The following NELL2 variants were observed in gnomAD, a reference collection of about 807,000 sequenced individuals.
The protein encoded by NELL2 is protein kinase C-binding protein NELL2.
A neutral mutation model predicts 109.6 loss-of-function variants in NELL2; 41 were observed. That is an observed-to-expected ratio of 0.37 (90% CI 0.29 to 0.49). The LOEUF (loss-of-function observed/expected upper bound fraction) is 0.49. Among genes scored for constraint, NELL2 ranks in the 20% least tolerant of loss-of-function variants. NELL2 has a pLI of 0.98. For missense variants in NELL2, 900 were observed against 1,008.3 expected (o/e 0.89, Z 1.45); for synonymous variants, 355 against 344.7 (o/e 1.03, Z -0.33).
intron 16 of NELL2, among the ~76,000 whole-genome samples, chr12:44,526,827 GTT>G (rs1941802466): frequency 6.6e-6 from 1 of 152,212 alleles, no homozygotes; most frequent in Non-Finnish European, 1.5e-5. Context: ...CACCAGGGCT[GTT>G]CAGTAAGTAG....
intron 3 of NELL2, among the ~76,000 whole-genome samples, chr12:44,783,721 A>C (rs1157164040): frequency 6.6e-6 from 1 of 152,028 alleles, no homozygotes; most frequent in Non-Finnish European, 1.5e-5. Context: ...CAGGCCCAGA[A>C]GTTTCATTGC....
chr12:44,672,523 G>A (rs1948175277), intron 12 of NELL2, among the ~76,000 whole-genome samples: 1 of 152,168 alleles, frequency 6.6e-6, no homozygotes, highest in Admixed American at 6.5e-5. Flanking sequence ...AAAAAGACTG[G>A]GGACTACTAC....
intron 15 of NELL2, among the ~76,000 whole-genome samples, chr12:44,560,840 A>C (rs563424055): frequency 2.0e-5 from 3 of 152,332 alleles, no homozygotes; most frequent in Admixed American, 1.3e-4. Flanking sequence ...TGAGGCCAGC[A>C]TCATCCTGAT....
chr12:44,656,536 C>T (rs1243847359), intron 13 of NELL2, among the ~76,000 whole-genome samples: 1 of 152,142 alleles, frequency 6.6e-6, no homozygotes, highest in African/African-American at 2.4e-5. Flanking sequence ...ATAAAAACAG[C>T]TAGTGTTCAT....
chr12:44,513,037 C>T (rs1459974619), intron 19 of NELL2, among the ~76,000 whole-genome samples: 2 of 152,002 alleles, frequency 1.3e-5, no homozygotes, highest in East Asian at 1.9e-4. Context: ...TCATTGCATA[C>T]TGTACATATG....
At chr12:44,856,371 T>C (rs1021878299) in intron 2 of NELL2, among the ~76,000 whole-genome samples, 2 of 152,162 alleles carry the variant, frequency 1.3e-5, no homozygotes, top group African/African-American at 4.8e-5. Flanking sequence ...ACAATTCAAA[T>C]GATAAGTAAA....
chr12:44,568,179 A>G (rs1943730370), intron 15 of NELL2, among the ~76,000 whole-genome samples: 1 of 152,194 alleles, frequency 6.6e-6, no homozygotes. Flanking sequence ...ATGACACTCT[A>G]TGGTTTGGTG....
chr12:44,597,651 T>C (rs1300406160), intron 15 of NELL2, among the ~76,000 whole-genome samples: 1 of 152,186 alleles, frequency 6.6e-6, no homozygotes, highest in African/African-American at 2.4e-5. Flanking sequence ...TTATACTTTA[T>C]TAATATTCAT....
intron 9 of NELL2, among the ~76,000 whole-genome samples, chr12:44,726,979 A>G: frequency 6.6e-6 from 1 of 152,214 alleles, no homozygotes; most frequent in East Asian, 1.9e-4. Context: ...GCCAATGTAA[A>G]CTGTCAATGA....
chr12:44,639,203 C>A (rs1388130398), intron 13 of NELL2, among the ~76,000 whole-genome samples: 1 of 152,068 alleles, frequency 6.6e-6, no homozygotes, highest in African/African-American at 2.4e-5. Flanking sequence ...CAGTCTTTTT[C>A]ATCCCACAAA....
At chr12:44,603,502 C>T (rs1241421456) in intron 15 of NELL2, among the ~76,000 whole-genome samples, 1 of 152,056 alleles carries the variant, frequency 6.6e-6, no homozygotes, top group Non-Finnish European at 1.5e-5. Context: ...AGTGATAAAG[C>T]TGTAAACCTT....
At chr12:44,904,542 GGAAGGAGATTAGA>G (rs1945698866) in intron 1 of NELL2, among the ~76,000 whole-genome samples, 1 of 152,092 alleles carries the variant, frequency 6.6e-6, no homozygotes, top group Admixed American at 6.6e-5. Context: ...GCCACATGAT[GGAAGGAGATTAGA>G]GTCCCTGAAT....
At chr12:44,640,324 T>C (rs551106947) in intron 13 of NELL2, among the ~76,000 whole-genome samples, 1 of 152,258 alleles carries the variant, frequency 6.6e-6, no homozygotes, top group Admixed American at 6.5e-5. Flanking sequence ...CCAACTGTAA[T>C]AACAATGATA....
At chr12:44,598,887 T>A (rs61930834) in intron 15 of NELL2, among the ~76,000 whole-genome samples, 34,799 of 105,712 alleles carry the variant, frequency 0.33, 4,565 homozygotes, top group African/African-American at 0.45. Flanking sequence ...ACACACACTC[T>A]CTCTCTCTCT....
chr12:44,845,438 G>T (rs967426833), intron 2 of NELL2, among the ~76,000 whole-genome samples: 2 of 152,114 alleles, frequency 1.3e-5, no homozygotes, highest in Non-Finnish European at 2.9e-5. Context: ...TCACATAAAG[G>T]CTAAAGTATC....
At chr12:44,876,445 A>G, upstream of NELL2, 1 of 1,288,332 alleles carries the variant, frequency 7.8e-7, no homozygotes, top group Non-Finnish European at 9.8e-7. Context: ...GGTCTCCCGC[A>G]CGGTCTCCTG....
intron 13 of NELL2, among the ~76,000 whole-genome samples, chr12:44,663,985 T>C (rs1947837383): frequency 6.6e-6 from 1 of 152,164 alleles, no homozygotes; most frequent in African/African-American, 2.4e-5. Context: ...CTGGAACTGC[T>C]AGCACTCATT....
intron 15 of NELL2, among the ~76,000 whole-genome samples, chr12:44,557,442 A>G (rs1943297257): frequency 2.0e-5 from 3 of 152,160 alleles, no homozygotes; most frequent in Admixed American, 6.5e-5. Flanking sequence ...GAGCTATATT[A>G]GAGAAAGGAA....
At chr12:44,850,411 C>A (rs1161135484) in intron 2 of NELL2, among the ~76,000 whole-genome samples, 1 of 151,926 alleles carries the variant, frequency 6.6e-6, no homozygotes, top group Non-Finnish European at 1.5e-5. Flanking sequence ...AGTAATTTTT[C>A]TTTTAAAAGA....
Sources: allele counts gnomAD v4.1 joint callset (sites outside exome capture counted in the v4.1 genomes callset), GRCh38; gene constraint gnomAD v4.1.1; transcripts MANE v1.5; gene names NCBI Gene and HGNC (gene_info 2026-07-23, HGNC 2026-07-21).